ASB11: variants seen among roughly 807,000 people sequenced by gnomAD.
The protein encoded by ASB11 is ankyrin repeat and SOCS box containing 11.
In ASB11, 17 loss-of-function variants were observed where a neutral mutation model predicts 20.1. The ratio of observed to expected loss-of-function variants is 0.85; its 90% CI spans 0.58 to 1.27. The LOEUF (loss-of-function observed/expected upper bound fraction) is 1.27, where lower values mean the gene tolerates loss of function less well. Ranked by LOEUF, ASB11 falls within the 50% of genes most tolerant of loss-of-function variation. ASB11 has a pLI of 0.00. For missense variants in ASB11, 259 were observed against 256.9 expected (o/e 1.01, Z -0.06); for synonymous variants, 107 against 105.6 (o/e 1.01, Z -0.08).
At chrX:15,298,424 G>A (rs1361125257) in intron 2 of ASB11, among the ~76,000 whole-genome samples, 1 of 111,496 alleles carries the variant, frequency 9.0e-6, no homozygotes, top group Non-Finnish European at 1.9e-5. Flanking sequence ...GTAGAAGCAG[G>A]AGATGGGAGG....
intron 6 of ASB11, among the ~76,000 whole-genome samples, chrX:15,284,251 CAA>C (rs60542067): frequency 2.8e-4 from 20 of 72,303 alleles, no homozygotes; most frequent in Middle Eastern, 7.5e-3. Context: ...GACTCCGCCT[CAA>C]AAAAAAAAAA....
At chrX:15,305,601 A>AT (rs751880598) in intron 1 of ASB11, among the ~76,000 whole-genome samples, 8 of 95,710 alleles carry the variant, frequency 8.4e-5, no homozygotes, top group Non-Finnish European at 1.5e-4. Context: ...AAAAGATTAG[A>AT]TAGATAGATA....
intron 4 of ASB11, among the ~76,000 whole-genome samples, chrX:15,290,396 A>G (rs898761053): frequency 8.9e-6 from 1 of 112,315 alleles, no homozygotes; most frequent in Admixed American, 9.5e-5. Context: ...TTATCCATGC[A>G]TGTGAGATTG....
In ASB11 at chrX:15,293,254, A is replaced by C. The variant is rs142702549; in HGVS notation, c.436T>G (p.Cys146Gly). 1.7e-6 allele frequency: 2 copies of C among 1,211,462 alleles called. No individual in the cohort carries two copies. Among genetic ancestry groups the C allele is most frequent in the South Asian group, 1.8e-5 (1 of 56,992 alleles). Reference sequence around the variant, plus strand: ...CCGAACTCCAGCAGCACATTGACACATGCAGCACTGCCGCTGCAGCAAGCA... The same window carrying C: ...CCGAACTCCAGCAGCACATTGACACCTGCAGCACTGCCGCTGCAGCAAGCA... ...FNACCSGSAA[C>G]VNVLLEFGAK... The change falls in exon 4 of 7, where the codon TGT (cysteine) becomes GGT (glycine). Residue 146 changes from cysteine (C) to glycine (G), a missense_variant. Cys to Gly is a radical substitution (Grantham distance 159). Transcript: ENST00000480796.
At chrX:15,284,022 G>A (rs1054330139) in intron 6 of ASB11, among the ~76,000 whole-genome samples, 26 of 109,970 alleles carry the variant, frequency 2.4e-4, no homozygotes, top group Non-Finnish European at 3.8e-4. Context: ...GGAGGCCAAG[G>A]TGGGCGGATC....
At chrX:15,313,985 G>T (rs956867102) in intron 1 of ASB11, among the ~76,000 whole-genome samples, 36 of 106,029 alleles carry the variant, frequency 3.4e-4, no homozygotes, top group African/African-American at 1.1e-3. Context: ...CGGGACCTGG[G>T]AGGCGGAGGT....
intron 3 of ASB11, among the ~76,000 whole-genome samples, chrX:15,294,216 G>A (rs1569170463): frequency 9.0e-6 from 1 of 111,485 alleles, no homozygotes. Flanking sequence ...ATCGGGAACC[G>A]CAGGAGTGGT....
At chrX:15,303,528 T>G (rs928911516) in intron 1 of ASB11, among the ~76,000 whole-genome samples, 6 of 111,568 alleles carry the variant, frequency 5.4e-5, no homozygotes, top group Non-Finnish European at 1.1e-4. Context: ...TGAAGACATA[T>G]CTATTATACT....
At chrX:15,307,660 A>G (rs1768014442) in intron 1 of ASB11, among the ~76,000 whole-genome samples, 1 of 111,575 alleles carries the variant, frequency 9.0e-6, no homozygotes, top group Non-Finnish European at 1.9e-5. Flanking sequence ...GACCCCTGCT[A>G]TAAAGTACAC....
At chrX:15,297,328 A>G (rs1051595516) in intron 3 of ASB11, among the ~76,000 whole-genome samples, 3 of 111,925 alleles carry the variant, frequency 2.7e-5, no homozygotes, top group Non-Finnish European at 3.8e-5. Flanking sequence ...AACATGGTAC[A>G]ATAAAGATTT....
intron 6 of ASB11, among the ~76,000 whole-genome samples, chrX:15,284,114 T>G (rs868132175): frequency 1.9e-5 from 2 of 106,197 alleles, no homozygotes; most frequent in Non-Finnish European, 3.9e-5. Context: ...TAGCCGGGTG[T>G]GGTGGCGGGT....
intron 4 of ASB11, 106 bp downstream of exon 4, chrX:15,293,064 T>C: frequency 1.0e-6 from 1 of 990,389 alleles, no homozygotes; most frequent in South Asian, 2.7e-5. Context: ...ATTCTAATGG[T>C]GAGGAAGATC....
chrX:15,289,616 G>T lies in ASB11; in HGVS notation c.543C>A (p.Ile181=), dbSNP rs762930444. 1.7e-6 allele frequency: 2 copies of T among 1,210,400 alleles called. No homozygotes were observed. Among genetic ancestry groups the T allele is most frequent in the East Asian group, 5.9e-5 (2 of 33,816 alleles). ...CAATGTTAACATTATTTGCCAGCAG[G>T]ATCTCCATGCACTCTCTGTGACCTG... The part of the protein sequence containing the change: ...VKRGHRECME[I]LLANNVNIDH... Residue 181 remains isoleucine (I), a synonymous_variant, in exon 5 of 7, where the codon ATC becomes ATA. Coordinates refer to ENST00000480796, the MANE Select transcript of ASB11 (RefSeq NM_080873.3).
intron 1 of ASB11, among the ~76,000 whole-genome samples, chrX:15,305,120 TA>T (rs753967010): frequency 8.9e-6 from 1 of 111,896 alleles, no homozygotes; most frequent in East Asian, 2.8e-4. Context: ...GGAACAGGGA[TA>T]ATTTTATAGA....
chrX:15,312,233 G>GA (rs1326699887), intron 1 of ASB11, among the ~76,000 whole-genome samples: 13 of 103,896 alleles, frequency 1.3e-4, no homozygotes, highest in Non-Finnish European at 2.4e-4. Flanking sequence ...CTTTAAAAAA[G>GA]AAAAAAAAAT....
At chrX:15,307,368 A>G (rs748208221) in intron 1 of ASB11, among the ~76,000 whole-genome samples, 1 of 112,063 alleles carries the variant, frequency 8.9e-6, no homozygotes, top group Middle Eastern at 4.2e-3. Flanking sequence ...ATGGAAGACA[A>G]TTTTTCCACA....
intron 1 of ASB11, among the ~76,000 whole-genome samples, chrX:15,311,509 T>C (rs1277908278): frequency 2.7e-5 from 3 of 112,263 alleles, no homozygotes; most frequent in Admixed American, 9.4e-5. Context: ...ACTAAGGCGA[T>C]CCTATTGGAA....
intron 3 of ASB11, among the ~76,000 whole-genome samples, chrX:15,296,859 A>G (rs1192378289): frequency 8.9e-6 from 1 of 111,969 alleles, no homozygotes; most frequent in Non-Finnish European, 1.9e-5. Flanking sequence ...CAACAATCTT[A>G]CTGCTGGGTA....
In ASB11 at chrX:15,285,875, C is replaced by T. The variant is rs750399842; in HGVS notation, c.847+2006G>A. ...AAAAAATTAGCTGGGCGTGGTGGCA[C>T]GCGCCTGTAATCGCAGCTACTCAGG... is the stretch of plus-strand genomic sequence containing the variant. On this transcript the variant is annotated intron_variant, in intron 6 of 6. Transcript: ENST00000480796. Among the ~76,000 whole-genome samples, 7 of 110,504 alleles carry T rather than the reference C, an allele frequency of 6.3e-5. No homozygotes were observed. The South Asian group carries it at 2.4e-3, about 37-fold the overall frequency.
Sources: gnomAD v4.1 joint callset for allele counts (sites outside exome capture counted in the v4.1 genomes callset) on GRCh38, gnomAD v4.1.1 for gene constraint, MANE v1.5 for transcripts, NCBI Gene and HGNC (gene_info 2026-07-23, HGNC 2026-07-21) for gene names.